The following FAM89A variants were observed in gnomAD, a reference collection of about 807,000 sequenced individuals.
The protein encoded by FAM89A is protein FAM89A.
In FAM89A, 10 loss-of-function variants were observed where a neutral mutation model predicts 7.1. The ratio of observed to expected loss-of-function variants is 1.40; its 90% CI spans 0.86 to 2.38. The LOEUF (loss-of-function observed/expected upper bound fraction) is 2.38, where lower values mean the gene tolerates loss of function less well. Ranked by LOEUF, FAM89A falls within the 30% of genes most tolerant of loss-of-function variation. FAM89A has a pLI of 0.00. For synonymous variants in FAM89A, 157 were observed against 129.3 expected, an observed-to-expected ratio of 1.21 and a Z score of -1.45; for missense variants, 276 against 262.8, an observed-to-expected ratio of 1.05 and a Z score of -0.35.
intron 1 of FAM89A, among the ~76,000 whole-genome samples, chr1:231,034,251 ACTT>A (rs1382007428): frequency 1.3e-5 from 2 of 152,326 alleles, no homozygotes; most frequent in East Asian, 3.9e-4. Flanking sequence ...GACAGAGCCA[ACTT>A]CTTCTGTAGG....
chr1:231,027,463 C>T (rs1252498376), intron 1 of FAM89A, among the ~76,000 whole-genome samples: 2 of 152,172 alleles, frequency 1.3e-5, no homozygotes. Context: ...TACATATGCA[C>T]ACGCACACAC....
In FAM89A at chr1:231,019,712, C is replaced by T; in HGVS notation, c.*151G>A. ...ACTGCCACCATGCATCCGCGGAGAA[C>T]TCCCTGCCTACAAATGAAACTGGTA... On this transcript the variant is annotated 3_prime_UTR_variant, in exon 2 of 2. Transcript: ENST00000366654. The T allele has an allele frequency of 2.4e-6, 2 of 843,366 alleles. No individual in the cohort carries two copies. Among genetic ancestry groups the T allele is most frequent in the Non-Finnish European group, 3.6e-6 (2 of 553,360 alleles). 52.2% of individuals were successfully genotyped at this position (843,366 alleles called of 1,614,324 possible).
chr1:231,028,882 A>G (rs993278676), intron 1 of FAM89A: 2 of 152,222 alleles, frequency 1.3e-5, no homozygotes, highest in Non-Finnish European at 2.9e-5. Context: ...CATTCCCAAC[A>G]ATGGGGCCAA....
At chr1:231,030,621 C>T (rs1220484803) in intron 1 of FAM89A, among the ~76,000 whole-genome samples, 1 of 152,124 alleles carries the variant, frequency 6.6e-6, no homozygotes, top group East Asian at 1.9e-4. Context: ...AATAAACACT[C>T]TAATTGTATT....
intron 1 of FAM89A, among the ~76,000 whole-genome samples, chr1:231,029,175 TAA>T (rs1361282435): frequency 1.3e-5 from 2 of 152,222 alleles, no homozygotes; most frequent in African/African-American, 4.8e-5. Context: ...TGAAAAATGT[TAA>T]GATTTTTTTA....
chr1:231,038,278 G>C (rs906316318), intron 1 of FAM89A, among the ~76,000 whole-genome samples: 3 of 152,106 alleles, frequency 2.0e-5, no homozygotes, highest in Non-Finnish European at 4.4e-5. Flanking sequence ...GTAATTATAC[G>C]GATGTGGTTG....
At chr1:231,024,794 T>C (rs1000551751) in intron 1 of FAM89A, among the ~76,000 whole-genome samples, 3 of 151,670 alleles carry the variant, frequency 2.0e-5, no homozygotes, top group Non-Finnish European at 2.9e-5. Context: ...TGCCTTGGCC[T>C]CCCAAAGTGC....
chr1:231,027,187 T>A (rs565125047), intron 1 of FAM89A, among the ~76,000 whole-genome samples: 1 of 152,264 alleles, frequency 6.6e-6, no homozygotes, highest in East Asian at 1.9e-4. Flanking sequence ...GCTTTTCTCC[T>A]GACAGTGCCA....
intron 1 of FAM89A, among the ~76,000 whole-genome samples, chr1:231,027,904 A>G (rs1411125785): frequency 6.6e-6 from 1 of 152,206 alleles, no homozygotes; most frequent in Non-Finnish European, 1.5e-5. Flanking sequence ...CTGTCTTAGG[A>G]CATTTACTAC....
chr1:231,019,971 G>A lies in FAM89A; in HGVS notation c.447C>T (p.Phe149=). The A allele has an allele frequency of 1.9e-6, 3 of 1,614,148 alleles. 1 individual carries two copies. The South Asian group carries it at 3.3e-5, about 18-fold the overall frequency. ...NGFFDEEEEY[F]QEQNSLHDRR... The stretch of plus-strand genomic sequence containing the variant: ...TGTCGTGCAGGGAGTTCTGCTCCTG[G>A]AAATATTCCTCCTCTTCATCGAAGA... The change falls in exon 2 of 2, where the codon TTC becomes TTT. Residue 149 remains phenylalanine (F), a synonymous_variant. Coordinates refer to ENST00000366654, the MANE Select transcript of FAM89A (RefSeq NM_198552.3).
At chr1:231,039,551 T>C (rs1680219660) in intron 1 of FAM89A, among the ~76,000 whole-genome samples, 1 of 150,310 alleles carries the variant, frequency 6.7e-6, no homozygotes, top group Non-Finnish European at 1.5e-5. Context: ...GTGAAAGCCT[T>C]TCCCCCACCG....
chr1:231,032,339 A>AG (rs1422721772), intron 1 of FAM89A, among the ~76,000 whole-genome samples: 2 of 148,524 alleles, frequency 1.3e-5, no homozygotes, highest in Non-Finnish European at 3.0e-5. Flanking sequence ...TGCGCTCAAA[A>AG]AACCCTGCAG....
chr1:231,019,865 A>G lies in FAM89A; in HGVS notation c.553T>C (p.Ter185GlnextTer7). ...SSSDWILESI[*>Q] ...AGTCACATCCCTCCCAAGACCCTCT[A>G]GATGGACTCCAGAATCCAGTCGCTG... Residue 185 changes from the stop codon to glutamine (Q), a stop_lost, in exon 2 of 2, where the codon TAG (stop) becomes CAG (glutamine). Transcript: ENST00000366654. 6.2e-7 allele frequency: 1 copy of G among 1,613,676 alleles called. No individual in the cohort carries two copies. Among genetic ancestry groups the G allele is most frequent in the Non-Finnish European group, 8.5e-7 (1 of 1,179,754 alleles).
At chr1:231,032,731 A>G (rs11122197) in intron 1 of FAM89A, among the ~76,000 whole-genome samples, 88,008 of 151,944 alleles carry the variant, frequency 0.58, 25,728 homozygotes, top group Non-Finnish European at 0.63. Context: ...CTAAGAATAC[A>G]CTCGCTTTCA....
At chr1:231,028,458 C>A (rs1223873617) in intron 1 of FAM89A, 6 of 152,082 alleles carry the variant, frequency 3.9e-5, no homozygotes, top group Non-Finnish European at 8.8e-5. Flanking sequence ...GAACTTCTCA[C>A]CCTTCCAGAA....
rs960483853 is a variant in FAM89A, at chr1:231,040,192, G to C, written c.20C>G (p.Ala7Gly). 1.8e-6 allele frequency: 2 copies of C among 1,104,040 alleles called. No individual in the cohort carries two copies. The highest frequency in any genetic ancestry group is 3.4e-5 in the African/African-American group (2 of 59,512). 68.4% of individuals were successfully genotyped at this position (1,104,040 alleles called of 1,614,324 possible). Residue 7 changes from alanine to glycine, a missense_variant, in exon 1 of 2, where the codon GCG (alanine) becomes GGG (glycine). Coordinates refer to ENST00000366654, the MANE Select transcript of FAM89A (RefSeq NM_198552.3). MSGARAAPGAAGNGAVR... is the reference protein window; with the variant it reads MSGARAGPGAAGNGAVR... Reference sequence around the variant, plus strand: ...CGCGCCGTTGCCCGCGGCCCCGGGCGCCGCCCGGGCCCCACTCATCGCGCC... The same window carrying C: ...CGCGCCGTTGCCCGCGGCCCCGGGCCCCGCCCGGGCCCCACTCATCGCGCC...
intron 1 of FAM89A, among the ~76,000 whole-genome samples, chr1:231,037,646 C>G (rs1023280638): frequency 6.6e-6 from 1 of 152,154 alleles, no homozygotes; most frequent in Non-Finnish European, 1.5e-5. Flanking sequence ...CTGCTGAATG[C>G]CCATCCTTGC....
chr1:231,036,890 T>C (rs573135504), intron 1 of FAM89A, among the ~76,000 whole-genome samples: 2 of 152,184 alleles, frequency 1.3e-5, no homozygotes, highest in African/African-American at 2.4e-5. Flanking sequence ...CCAAGTGCCA[T>C]AATGAACCCC....
chr1:231,026,398 A>AAGGAGGTAAGGAGG (rs1679970461), intron 1 of FAM89A: 2 of 152,080 alleles, frequency 1.3e-5, no homozygotes, highest in African/African-American at 4.8e-5. Flanking sequence ...CTTACCTCAA[A>AAGGAGGTAAGGAGG]CCCCAAAAGG....
Sources: allele counts gnomAD v4.1 joint callset (sites outside exome capture counted in the v4.1 genomes callset), GRCh38; gene constraint gnomAD v4.1.1; transcripts MANE v1.5; gene names NCBI Gene and HGNC (gene_info 2026-07-23, HGNC 2026-07-21).